The following SAP130 variants were observed in gnomAD, a reference collection of about 807,000 sequenced individuals.
SAP130 encodes the protein Sin3A associated protein 130.
A neutral mutation model predicts 103.2 loss-of-function variants in SAP130; 16 were observed. The observed-to-expected ratio is 0.16, with a 90% CI of 0.10 to 0.24. The LOEUF is 0.24. SAP130 is among the 10% of genes least tolerant of loss of function. SAP130 has a pLI of 1.00. For missense variants in SAP130, 990 were observed against 1,359.7 expected, an observed-to-expected ratio of 0.73 and a Z score of 4.28; for synonymous variants, 477 against 497.0, an observed-to-expected ratio of 0.96 and a Z score of 0.53.
chr2:127,941,952 A>ACCCCCCCC lies in SAP130; in HGVS notation c.*53_*54insGGGGGGGG. On this transcript the variant is annotated 3_prime_UTR_variant, in exon 21 of 21. Coordinates refer to ENST00000643581, the MANE Select transcript of SAP130 (RefSeq NM_001330301.2). ...TGGAAAAAACCAAAACCCTCCCCCC[A>ACCCCCCCC]CCCCCACCATCATTCTTCATAAATT... 1.5e-5 allele frequency: 3 copies of ACCCCCCCC among 200,446 alleles called. No homozygotes were observed. Among genetic ancestry groups the ACCCCCCCC allele is most frequent in the South Asian group, 3.6e-5 (1 of 28,168 alleles). The allele number at this position is 200,446 out of a possible 1,614,324, so 12.4% of individuals were successfully genotyped here.
At chr2:128,013,492 G>T (rs1433303954) in intron 5 of SAP130, among the ~76,000 whole-genome samples, 1 of 152,136 alleles carries the variant, frequency 6.6e-6, no homozygotes, top group African/African-American at 2.4e-5. Flanking sequence ...TCCAGTCTTT[G>T]TTCCATTAGA....
intron 15 of SAP130, among the ~76,000 whole-genome samples, chr2:127,966,405 T>C (rs1224263992): frequency 6.6e-6 from 1 of 151,872 alleles, no homozygotes; most frequent in African/African-American, 2.4e-5. Flanking sequence ...TTCAGCATTA[T>C]AAAGGACCCT....
intron 16 of SAP130, among the ~76,000 whole-genome samples, chr2:127,951,008 T>G (rs528179024): frequency 6.6e-6 from 1 of 152,336 alleles, no homozygotes; most frequent in East Asian, 1.9e-4. Flanking sequence ...TCACACTTTT[T>G]AAACATAAAT....
Position 127,978,049 on chromosome 2 carries a change from C to G in SAP130, c.1999G>C (p.Asp667His). 2 of 1,551,832 alleles carry G rather than the reference C, an allele frequency of 1.3e-6. No individual in the cohort carries two copies. Among genetic ancestry groups the G allele is most frequent in the Non-Finnish European group, 1.7e-6 (2 of 1,147,010 alleles). The part of the protein sequence containing the change: ...RKTLIPPQPP[D>H]VASPRVESSM... Reference sequence around the variant, plus strand: ...CTTTCCACTCGAGGACTAGCAACATCAGGAGGCTGAGGAGGAATGAGGGTT... The same window carrying G: ...CTTTCCACTCGAGGACTAGCAACATGAGGAGGCTGAGGAGGAATGAGGGTT... Residue 667 changes from aspartate (D) to histidine (H), a missense_variant, in exon 15 of 21, where the codon GAT becomes CAT. Coordinates refer to ENST00000643581, the MANE Select transcript of SAP130 (RefSeq NM_001330301.2).
At chr2:127,957,818 A>G (rs1559040158) in intron 15 of SAP130, among the ~76,000 whole-genome samples, 2 of 152,210 alleles carry the variant, frequency 1.3e-5, no homozygotes, top group African/African-American at 4.8e-5. Context: ...TAGAAAGAAA[A>G]AGAGAGAAGA....
At chr2:127,972,789 C>A (rs1470758355) in intron 15 of SAP130, among the ~76,000 whole-genome samples, 1 of 151,836 alleles carries the variant, frequency 6.6e-6, no homozygotes, top group Non-Finnish European at 1.5e-5. Context: ...ATAAAAATAG[C>A]TGGGCATAAT....
At chr2:128,015,080 G>A (rs997333374) in intron 4 of SAP130, among the ~76,000 whole-genome samples, 166 bp from the exon 5 acceptor site, 12 of 152,116 alleles carry the variant, frequency 7.9e-5, no homozygotes, top group African/African-American at 1.9e-4. Context: ...ATGCCATACC[G>A]TACAATGAAC....
chr2:127,971,185 T>A (rs10928791), intron 15 of SAP130, among the ~76,000 whole-genome samples: 3,565 of 151,354 alleles, frequency 0.024, 97 homozygotes, highest in East Asian at 0.14. Flanking sequence ...ACCCCCGGGC[T>A]CCCCCCATCT....
rs887582751 is a variant in SAP130 at position 127,953,541 on chromosome 2, A to G, written c.2422+1445T>C. On this transcript the variant is annotated intron_variant, in intron 16 of 20. Coordinates refer to ENST00000643581, the MANE Select transcript of SAP130 (RefSeq NM_001330301.2). This position sits in a 1 kb window ranked among gnomAD's most constrained non-coding sequence, Gnocchi z 4.0. ...CCAGCAAAGCCAAAACCTTTACAACAGCCTGTGGGCCCTGTTCTACCATGA... is the reference window on the plus strand; with the variant it reads ...CCAGCAAAGCCAAAACCTTTACAACGGCCTGTGGGCCCTGTTCTACCATGA... Among the ~76,000 whole-genome samples, 1 of 152,054 alleles carries G rather than the reference A, an allele frequency of 6.6e-6. No homozygotes were observed. The highest frequency in any genetic ancestry group is 6.6e-5 in the Admixed American group (1 of 15,266).
rs772565129 is a variant in SAP130 at position 127,960,993 on chromosome 2, C to CT, written c.2064-5650dup. Among the ~76,000 whole-genome samples the CT allele has an allele frequency of 4.1e-3, 568 of 137,228 alleles. 7 individuals carry two copies. The highest frequency in any genetic ancestry group is 0.012 in the Middle Eastern group (3 of 254). The allele number at this position is 137,228 out of a possible 152,430, so 90.0% of individuals were successfully genotyped here. ...ACAAATGTTTTTTCTTTCTTTCTTT[C>CT]TTTTTTTTTTTTTTTTGAGACAGGG... On this transcript the variant is annotated intron_variant, in intron 15 of 20. Coordinates refer to ENST00000643581, the MANE Select transcript of SAP130 (RefSeq NM_001330301.2).
chr2:127,947,764 C>CTGTGTGTGTGAGTGTGAG (rs147211610), intron 18 of SAP130, among the ~76,000 whole-genome samples: 3 of 143,312 alleles, frequency 2.1e-5, no homozygotes, highest in Non-Finnish European at 4.5e-5. Flanking sequence ...TTGTGTGTGT[C>CTGTGTGTGTGAGTGTGAG]TGTGTGTGTG....
intron 10 of SAP130, among the ~76,000 whole-genome samples, chr2:127,997,694 A>C (rs1683267874): frequency 6.6e-6 from 1 of 152,206 alleles, no homozygotes; most frequent in African/African-American, 2.4e-5. Context: ...GCCCCATGAA[A>C]GGTAGAAGAA....
chr2:128,017,271 A>C (rs1439722942), intron 3 of SAP130, among the ~76,000 whole-genome samples: 2 of 152,178 alleles, frequency 1.3e-5, no homozygotes, highest in East Asian at 3.9e-4. Context: ...GCAGTGAGCC[A>C]AGATCGCACC....
At chr2:127,975,361 G>A (rs1681384249) in intron 15 of SAP130, among the ~76,000 whole-genome samples, 1 of 152,164 alleles carries the variant, frequency 6.6e-6, no homozygotes, top group Non-Finnish European at 1.5e-5. Context: ...TATGTGATTT[G>A]AAGATTTCAA....
intron 18 of SAP130, among the ~76,000 whole-genome samples, chr2:127,946,879 G>A (rs1032921869): frequency 4.0e-5 from 6 of 149,664 alleles, no homozygotes; most frequent in Non-Finnish European, 8.9e-5. Context: ...GCGAGACTCC[G>A]TCACAAGAAA....
intron 13 of SAP130, among the ~76,000 whole-genome samples, chr2:127,987,997 T>C (rs1262710201): frequency 1.3e-5 from 2 of 152,244 alleles, no homozygotes; most frequent in South Asian, 2.1e-4. Context: ...CCCTTAAATA[T>C]GTAGTACACC....
intron 2 of SAP130, among the ~76,000 whole-genome samples, chr2:128,022,207 T>C (rs992970506): frequency 1.3e-5 from 2 of 152,196 alleles, no homozygotes; most frequent in Non-Finnish European, 2.9e-5. Flanking sequence ...AATCATACCA[T>C]CTGTAGTCCT....
chr2:127,987,675 T>C (rs1440467497), intron 13 of SAP130, among the ~76,000 whole-genome samples: 1 of 152,110 alleles, frequency 6.6e-6, no homozygotes, highest in East Asian at 1.9e-4. Context: ...AAAGGCTTAA[T>C]ACAAGAGCCA....
At chr2:127,991,428 C>T (rs1370997830) in intron 12 of SAP130, among the ~76,000 whole-genome samples, 2 of 150,832 alleles carry the variant, frequency 1.3e-5, no homozygotes, top group African/African-American at 4.8e-5. Context: ...CAGCCTCAAC[C>T]TCCTGGGGCC....
Sources: allele counts gnomAD v4.1 joint callset (sites outside exome capture counted in the v4.1 genomes callset), GRCh38; gene constraint gnomAD v4.1.1; non-coding constraint Gnocchi (gnomAD v3.1); transcripts MANE v1.5; gene names NCBI Gene and HGNC (gene_info 2026-07-23, HGNC 2026-07-21).